SAMMSON: variants seen among roughly 807,000 people sequenced by gnomAD.
SAMMSON encodes the protein long intergenic non-protein coding RNA 1212.
chr3:70,375,201 T>G (rs1044920690), intron 9 of SAMMSON, among the ~76,000 whole-genome samples: 4 of 152,184 alleles, frequency 2.6e-5, no homozygotes, highest in African/African-American at 4.8e-5. Flanking sequence ...CATCGCATTT[T>G]ATCTCTTTAT....
At chr3:70,084,542 G>A (rs190096502) in intron 4 of SAMMSON, among the ~76,000 whole-genome samples, 1 of 152,234 alleles carries the variant, frequency 6.6e-6, no homozygotes, top group African/African-American at 2.4e-5. Context: ...TGGAGTAATG[G>A]GAAAGGGGTA....
intron 2 of SAMMSON, among the ~76,000 whole-genome samples, chr3:70,421,399 A>T (rs562691312): frequency 3.0e-4 from 45 of 152,230 alleles, no homozygotes; most frequent in Non-Finnish European, 5.7e-4. Context: ...AAGAACCTCT[A>T]GTGGTTCTTA....
intron 4 of SAMMSON, among the ~76,000 whole-genome samples, chr3:70,115,960 T>C (rs530026400): frequency 6.6e-6 from 1 of 152,278 alleles, no homozygotes; most frequent in South Asian, 2.1e-4. Context: ...CCAATTTATC[T>C]GTTATTGAAC....
At chr3:70,405,892 T>C (rs1411414457) in intron 2 of SAMMSON, among the ~76,000 whole-genome samples, 3 of 152,166 alleles carry the variant, frequency 2.0e-5, no homozygotes, top group Non-Finnish European at 2.9e-5. Context: ...CAAGGTACAT[T>C]ACAATCAAGT....
At chr3:70,302,392 T>C (rs1702357930) in intron 7 of SAMMSON, among the ~76,000 whole-genome samples, 1 of 152,150 alleles carries the variant, frequency 6.6e-6, no homozygotes, top group African/African-American at 2.4e-5. Flanking sequence ...TATCTCTTTG[T>C]AGAATTTACT....
rs766261292 is a variant in SAMMSON at position 70,349,980 on chromosome 3, A to G, written n.740-4195A>G. 1.1e-4 allele frequency among the ~76,000 whole-genome samples: 16 copies of G among 152,310 alleles called. 1 individual carries two copies. Among genetic ancestry groups the G allele is most frequent in the East Asian group, 5.8e-4 (3 of 5,188 alleles). ...CTGAGCTCTTGCACAGCACTCTTCT[A>G]TTAGAAAGTCTATAGATACATTGAT... is the stretch of plus-strand genomic sequence containing the variant. On this transcript the variant is annotated intron_variant and non_coding_transcript_variant, in intron 7 of 9. Coordinates refer to ENST00000642114, the Ensembl canonical transcript of SAMMSON.
intron 4 of SAMMSON, among the ~76,000 whole-genome samples, chr3:70,147,665 C>T (rs778821145): frequency 5.9e-5 from 9 of 152,010 alleles, no homozygotes; most frequent in Non-Finnish European, 1.3e-4. Flanking sequence ...CAAAATGGAT[C>T]TTTCATCTAA....
chr3:70,429,606 A>G (rs1269440171), intron 2 of SAMMSON, among the ~76,000 whole-genome samples: 1 of 152,184 alleles, frequency 6.6e-6, no homozygotes, highest in East Asian at 1.9e-4. Context: ...TGAGCATTCA[A>G]TGTTTTACCA....
At chr3:70,218,871 T>C (rs1240097655) in intron 4 of SAMMSON, among the ~76,000 whole-genome samples, 1 of 152,182 alleles carries the variant, frequency 6.6e-6, no homozygotes, top group East Asian at 1.9e-4. Context: ...CATTCAAGCA[T>C]GTTGAGGTGA....
At chr3:70,277,802 A>G (rs1054625464) in intron 6 of SAMMSON, among the ~76,000 whole-genome samples, 1 of 152,052 alleles carries the variant, frequency 6.6e-6, no homozygotes, top group African/African-American at 2.4e-5. Context: ...CCCATTTTTT[A>G]TACAAATGGT....
intron 6 of SAMMSON, among the ~76,000 whole-genome samples, chr3:70,267,246 C>A (rs1701924211): frequency 6.6e-6 from 1 of 151,984 alleles, no homozygotes; most frequent in Non-Finnish European, 1.5e-5. Context: ...GGGCAGAATG[C>A]AAAACAAGAA....
At chr3:70,036,778 T>C (rs2067087103) in intron 3 of SAMMSON, among the ~76,000 whole-genome samples, 1 of 152,112 alleles carries the variant, frequency 6.6e-6, no homozygotes, top group African/African-American at 2.4e-5. Context: ...ACTCTTTAAC[T>C]TTTCAGGAAC....
At chr3:70,060,083 G>A (rs2067181971) in intron 3 of SAMMSON, among the ~76,000 whole-genome samples, 1 of 152,066 alleles carries the variant, frequency 6.6e-6, no homozygotes, top group Non-Finnish European at 1.5e-5. Flanking sequence ...TTGATCTTGA[G>A]CTATGTCTTA....
chr3:70,265,438 T>C (rs1218431052), intron 6 of SAMMSON, among the ~76,000 whole-genome samples: 2 of 152,072 alleles, frequency 1.3e-5, no homozygotes, highest in African/African-American at 4.8e-5. Context: ...GATTTTAGGA[T>C]TTGATGACCA....
At chr3:70,325,071 T>C (rs148517409) in intron 7 of SAMMSON, among the ~76,000 whole-genome samples, 1 of 152,210 alleles carries the variant, frequency 6.6e-6, no homozygotes, top group African/African-American at 2.4e-5. Context: ...TAGTTCCATA[T>C]GTTAGTTGTG....
At chr3:70,044,612 G>A (rs931429907) in intron 3 of SAMMSON, among the ~76,000 whole-genome samples, 1 of 151,828 alleles carries the variant, frequency 6.6e-6, no homozygotes, top group African/African-American at 2.4e-5. Flanking sequence ...ATTGGTGTCT[G>A]GTTATAATTT....
At chr3:70,053,496 G>A (rs2067153925) in intron 3 of SAMMSON, among the ~76,000 whole-genome samples, 1 of 152,132 alleles carries the variant, frequency 6.6e-6, no homozygotes, top group Admixed American at 6.6e-5. Context: ...TCTCAGATGG[G>A]TGACTCATTT....
chr3:70,028,872 C>T (rs2067053276), intron 3 of SAMMSON, among the ~76,000 whole-genome samples: 1 of 152,202 alleles, frequency 6.6e-6, no homozygotes, highest in Admixed American at 6.5e-5. Flanking sequence ...ACATATTTGT[C>T]ATTGCCAGCT....
chr3:70,088,836 G>T (rs888327377), intron 4 of SAMMSON, among the ~76,000 whole-genome samples: 3 of 152,136 alleles, frequency 2.0e-5, no homozygotes, highest in African/African-American at 4.8e-5. Flanking sequence ...TATACAATAA[G>T]GTAGAGATGA....
Sources: allele counts gnomAD v4.1 joint callset (sites outside exome capture counted in the v4.1 genomes callset), GRCh38; gene constraint gnomAD v4.1.1; transcripts MANE v1.5; gene names NCBI Gene and HGNC (gene_info 2026-07-23, HGNC 2026-07-21).